Variants in LRP1B observed in about 807,000 individuals in gnomAD.
LRP1B encodes LDL receptor related protein 1B.
Under a neutral mutation model 556.6 loss-of-function variants are expected in LRP1B, and 217 were observed. The observed-to-expected ratio is 0.39, with a 90% CI of 0.35 to 0.44. The LOEUF is 0.44. Ranked by LOEUF, LRP1B falls within the 20% of genes least tolerant of loss-of-function variation. The pLI is 1.00. For missense variants in LRP1B, 5,053 were observed against 5,620.8 expected (o/e 0.90, Z 3.23); for synonymous variants, 2,047 against 1,865.8 (o/e 1.10, Z -2.50).
At chr2:140,824,116 G>A (rs548830079) in intron 31 of LRP1B, among the ~76,000 whole-genome samples, 2 of 92,680 alleles carry the variant, frequency 2.2e-5, no homozygotes, top group South Asian at 9.9e-4. Context: ...ATAGCAAAAG[G>A]AATTTAAAAA....
chr2:140,619,221 C>T (rs1683366674), intron 41 of LRP1B, among the ~76,000 whole-genome samples: 2 of 151,944 alleles, frequency 1.3e-5, no homozygotes, highest in African/African-American at 4.8e-5. Context: ...ACACTCTTGA[C>T]CTCAAGCTCA....
intron 7 of LRP1B, among the ~76,000 whole-genome samples, chr2:141,111,591 T>A (rs1343798710): frequency 1.3e-5 from 2 of 152,148 alleles, no homozygotes; most frequent in Non-Finnish European, 2.9e-5. Context: ...ACATGCATAC[T>A]AGGGGAATAC....
intron 3 of LRP1B, among the ~76,000 whole-genome samples, chr2:141,445,198 T>G (rs1449257588): frequency 6.6e-6 from 1 of 152,220 alleles, no homozygotes; most frequent in African/African-American, 2.4e-5. Context: ...CTTTTAGATA[T>G]TCTAGTTTAT....
At chr2:140,870,427 G>A (rs1475314038) in intron 25 of LRP1B, among the ~76,000 whole-genome samples, 3 of 152,092 alleles carry the variant, frequency 2.0e-5, no homozygotes, top group East Asian at 1.9e-4. Flanking sequence ...TATGAAGAGG[G>A]TATATAAGCC....
At chr2:140,233,361 C>T (rs1680554847) in intron 90 of LRP1B, 35 bp from the exon 91 acceptor site, 18 of 1,481,380 alleles carry the variant, frequency 1.2e-5, no homozygotes, top group Non-Finnish European at 1.6e-5. Flanking sequence ...AATTTTATTA[C>T]TGGTCTTGGC....
At chr2:142,062,167 A>C (rs1410389606) in intron 1 of LRP1B, among the ~76,000 whole-genome samples, 2 of 152,044 alleles carry the variant, frequency 1.3e-5, no homozygotes, top group Non-Finnish European at 2.9e-5. Context: ...AGCATGGTAA[A>C]ATAGTTGCTA....
chr2:141,426,325 C>A (rs1457007843), intron 3 of LRP1B, among the ~76,000 whole-genome samples: 1 of 151,872 alleles, frequency 6.6e-6, no homozygotes, highest in African/African-American at 2.4e-5. Flanking sequence ...TTACTGTAGC[C>A]TTATAGTATA....
At chr2:141,691,657 T>C (rs1337203210) in intron 2 of LRP1B, among the ~76,000 whole-genome samples, 1 of 151,988 alleles carries the variant, frequency 6.6e-6, no homozygotes, top group Non-Finnish European at 1.5e-5. Context: ...TTTGCAGTAT[T>C]TGCCATTATT....
chr2:140,239,467 A>G lies in LRP1B; in HGVS notation c.13390T>C (p.Leu4464=), dbSNP rs2104884691. 6.2e-7 allele frequency: 1 copy of G among 1,603,630 alleles called. No homozygotes were observed. Among genetic ancestry groups the G allele is most frequent in the East Asian group, 2.3e-5 (1 of 44,326 alleles). ...CTTCTTTTTCTTTTACAAAGCACTA[A>G]ACCAATTACTAAGGTGGTTATCAAA... The part of the protein sequence containing the change: ...VTLITTLVIG[L]VLCKRKRRTK... The change falls in exon 88 of 91, where the codon TTA becomes CTA. Residue 4464 remains leucine (L), a synonymous_variant. Coordinates refer to ENST00000389484, the MANE Select transcript of LRP1B (RefSeq NM_018557.3).
intron 86 of LRP1B, among the ~76,000 whole-genome samples, chr2:140,250,083 T>C (rs1681340181): frequency 6.6e-6 from 1 of 151,856 alleles, no homozygotes; most frequent in Non-Finnish European, 1.5e-5. Context: ...TATTCTCTGC[T>C]ATTCATCCGG....
At chr2:140,898,884 C>A in intron 23 of LRP1B, 3 of 403,452 alleles carry the variant, frequency 7.4e-6, no homozygotes, top group South Asian at 5.7e-5. Context: ...AGCTGCAGGT[C>A]ATCAAACTCA....
chr2:140,463,502 C>T lies in LRP1B; in HGVS notation c.9626-5851G>A, dbSNP rs190866800. On this transcript the variant is annotated intron_variant, in intron 60 of 90. Coordinates refer to ENST00000389484, the MANE Select transcript of LRP1B (RefSeq NM_018557.3). ...CATTTTGCCTGCTTACCCTTTAATG[C>T]AATCCTACTTGATAGTAACAAACAG... 9.2e-5 allele frequency among the ~76,000 whole-genome samples: 14 copies of T among 152,220 alleles called. No individual in the cohort carries two copies. In the East Asian group the frequency reaches 2.3e-3, roughly 25 times the overall value.
chr2:141,441,105 C>T (rs768846965), intron 3 of LRP1B, among the ~76,000 whole-genome samples: 1 of 151,586 alleles, frequency 6.6e-6, no homozygotes, highest in East Asian at 1.9e-4. Flanking sequence ...GGGTCGGAGT[C>T]TTGCTCTGTT....
chr2:141,161,581 G>T (rs993426504), intron 7 of LRP1B, among the ~76,000 whole-genome samples: 1 of 152,062 alleles, frequency 6.6e-6, no homozygotes, highest in Non-Finnish European at 1.5e-5. Context: ...TAAAGCAAAG[G>T]CATTGGCAAC....
intron 41 of LRP1B, among the ~76,000 whole-genome samples, chr2:140,647,388 C>T (rs1684522296): frequency 6.6e-6 from 1 of 152,096 alleles, no homozygotes; most frequent in Non-Finnish European, 1.5e-5. Flanking sequence ...ATCTATGTGT[C>T]AGAGTTTCCC....
At chr2:142,052,456 T>C (rs1239821323) in intron 1 of LRP1B, among the ~76,000 whole-genome samples, 4 of 152,166 alleles carry the variant, frequency 2.6e-5, no homozygotes, top group African/African-American at 4.8e-5. Flanking sequence ...CTTCTATGAA[T>C]AATGATTCTC....
chr2:140,278,967 G>A (rs945109917), intron 84 of LRP1B, among the ~76,000 whole-genome samples: 94 of 152,022 alleles, frequency 6.2e-4, no homozygotes, highest in African/African-American at 2.1e-3. Context: ...TGAAGCATGT[G>A]GAAGCTGCTG....
At chr2:141,968,852 A>T (rs1004553884) in intron 1 of LRP1B, among the ~76,000 whole-genome samples, 1 of 151,744 alleles carries the variant, frequency 6.6e-6, no homozygotes, top group African/African-American at 2.4e-5. Flanking sequence ...AGATTTGCTT[A>T]ATCTCTACCG....
intron 1 of LRP1B, among the ~76,000 whole-genome samples, chr2:142,090,009 A>T (rs962220752): frequency 2.0e-5 from 3 of 152,124 alleles, no homozygotes; most frequent in African/African-American, 7.2e-5. Context: ...GCTGTCAGAA[A>T]AAAAGTAAAG....
Sources: allele counts gnomAD v4.1 joint callset (sites outside exome capture counted in the v4.1 genomes callset), GRCh38; gene constraint gnomAD v4.1.1; transcripts MANE v1.5; gene names NCBI Gene and HGNC (gene_info 2026-07-23, HGNC 2026-07-21).